Variants in RAPGEF4 observed in about 807,000 individuals in gnomAD.
RAPGEF4 encodes the protein Rap guanine nucleotide exchange factor 4, also known as RAP guanine-nucleotide-exchange factor (GEF) 4.
A neutral mutation model predicts 147.9 loss-of-function variants in RAPGEF4; 66 were observed. The ratio of observed to expected loss-of-function variants is 0.45; its 90% CI spans 0.37 to 0.55. RAPGEF4 has a LOEUF of 0.55. Among genes scored for constraint, RAPGEF4 ranks in the 20% least tolerant of loss-of-function variants. The pLI is 0.00. For synonymous variants in RAPGEF4, 419 were observed against 442.7 expected, an observed-to-expected ratio of 0.95 and a Z score of 0.67; for missense variants, 1,071 against 1,257.3, an observed-to-expected ratio of 0.85 and a Z score of 2.24.
intron 1 of RAPGEF4, among the ~76,000 whole-genome samples, chr2:172,737,965 A>G (rs564084053): frequency 4.6e-5 from 7 of 152,364 alleles, no homozygotes; most frequent in African/African-American, 1.7e-4. Context: ...TGTGGTATTA[A>G]AAGAACTTTG....
chr2:172,781,634 C>T (rs375784980), intron 1 of RAPGEF4, among the ~76,000 whole-genome samples: 1 of 152,096 alleles, frequency 6.6e-6, no homozygotes, highest in Non-Finnish European at 1.5e-5. Flanking sequence ...TCCTGGGGTA[C>T]CCATGGGAGG....
intron 16 of RAPGEF4, among the ~76,000 whole-genome samples, chr2:173,000,493 CT>C (rs1693787363): frequency 6.6e-6 from 1 of 152,184 alleles, no homozygotes; most frequent in Non-Finnish European, 1.5e-5. Context: ...CCTTCATGAG[CT>C]TTCCCATCTG....
chr2:173,009,157 A>C (rs1167113890), intron 17 of RAPGEF4, among the ~76,000 whole-genome samples: 2 of 152,372 alleles, frequency 1.3e-5, no homozygotes, highest in East Asian at 3.9e-4. Context: ...TTTTACAATT[A>C]AATTCTTTAT....
At position 172,960,823 on chromosome 2, in the gene RAPGEF4, T is replaced by G; in HGVS notation, c.591+10T>G. ...TAACACCATTACCAAGGTAATGGGA[T>G]GTAGGTGGGTTGATGAGCCATTGAG... On this transcript the variant is annotated intron_variant, in intron 7 of 30. Coordinates refer to ENST00000397081, the MANE Select transcript of RAPGEF4 (RefSeq NM_007023.4). 1 of 1,597,378 alleles carries G rather than the reference T, an allele frequency of 6.3e-7. No individual in the cohort carries two copies. The highest frequency in any genetic ancestry group is 8.5e-7 in the Non-Finnish European group (1 of 1,169,608).
chr2:172,801,227 C>A (rs1300967126), intron 3 of RAPGEF4, among the ~76,000 whole-genome samples: 8 of 152,080 alleles, frequency 5.3e-5, no homozygotes, highest in Admixed American at 4.6e-4. Context: ...GCTGGGCGCA[C>A]TCATGAACAG....
At chr2:172,797,418 A>T in intron 2 of RAPGEF4, 107 bp from the exon 3 acceptor site, 1 of 781,502 alleles carries the variant, frequency 1.3e-6, no homozygotes, top group Non-Finnish European at 2.1e-6. Context: ...GAAGGGTGGT[A>T]AGCTCAGTTA....
intron 11 of RAPGEF4, among the ~76,000 whole-genome samples, chr2:172,984,257 TTCA>T (rs1691997738): frequency 6.6e-6 from 1 of 152,150 alleles, no homozygotes; most frequent in Non-Finnish European, 1.5e-5. Flanking sequence ...ATGAAGTGGT[TTCA>T]ACTTTCACAG....
chr2:172,765,249 A>C (rs571051997), intron 1 of RAPGEF4, among the ~76,000 whole-genome samples: 2 of 152,326 alleles, frequency 1.3e-5, no homozygotes, highest in Non-Finnish European at 1.5e-5. Context: ...CCCTAGTTCT[A>C]TATGACCTCT....
intron 4 of RAPGEF4, among the ~76,000 whole-genome samples, chr2:172,851,503 A>G (rs2149738199): frequency 6.6e-6 from 1 of 152,334 alleles, no homozygotes; most frequent in Non-Finnish European, 1.5e-5. Context: ...ATGTATGTTC[A>G]TCGCAGCACT....
chr2:173,051,595 A>G (rs1686248165), intron 30 of RAPGEF4, 45 bp from the exon 31 acceptor site: 1 of 1,582,764 alleles, frequency 6.3e-7, no homozygotes, highest in Non-Finnish European at 8.6e-7. Context: ...TATCTTATAT[A>G]CATATATTAC....
chr2:172,845,566 C>T (rs1027029896), intron 4 of RAPGEF4, among the ~76,000 whole-genome samples: 1 of 152,120 alleles, frequency 6.6e-6, no homozygotes, highest in African/African-American at 2.4e-5. Flanking sequence ...GTAGCTGGGA[C>T]AGCAGCTGGC....
At chr2:172,771,482 A>G (rs1397726832) in intron 1 of RAPGEF4, among the ~76,000 whole-genome samples, 1 of 152,182 alleles carries the variant, frequency 6.6e-6, no homozygotes, top group African/African-American at 2.4e-5. Context: ...GATTGAAAAA[A>G]TATATAGCAT....
chr2:172,770,861 A>T (rs1262957582), intron 1 of RAPGEF4, among the ~76,000 whole-genome samples: 1 of 152,156 alleles, frequency 6.6e-6, no homozygotes, highest in Non-Finnish European at 1.5e-5. Context: ...CCTGAGCTTC[A>T]AAAGGTGGCT....
Position 172,961,162 on chromosome 2 carries a change from G to T in RAPGEF4, c.632G>T (p.Arg211Leu). The T allele has an allele frequency of 6.2e-7, 1 of 1,613,200 alleles. No homozygotes were observed. Among genetic ancestry groups the T allele is most frequent in the Non-Finnish European group, 8.5e-7 (1 of 1,179,240 alleles). ...EKILRAGKIL[R>L]NAILSRAPHM... The stretch of plus-strand genomic sequence containing the variant: ...ATCCTCAGAGCTGGAAAAATTTTAC[G>T]AAATGCCATTCTCTCTCGAGCACCT... The change falls in exon 8 of 31, where the codon CGA becomes CTA. Residue 211 changes from arginine to leucine, a missense_variant. Transcript: ENST00000397081.
intron 3 of RAPGEF4, among the ~76,000 whole-genome samples, chr2:172,807,952 A>G (rs1687662023): frequency 1.3e-5 from 2 of 152,256 alleles, no homozygotes; most frequent in African/African-American, 4.8e-5. Context: ...TTGAAATTAC[A>G]GTACAATTTT....
intron 1 of RAPGEF4, among the ~76,000 whole-genome samples, chr2:172,759,280 G>T (rs1696075550): frequency 6.6e-6 from 1 of 152,176 alleles, no homozygotes; most frequent in African/African-American, 2.4e-5. Flanking sequence ...AAAAATAAAA[G>T]ATTTTGCATA....
intron 6 of RAPGEF4, among the ~76,000 whole-genome samples, chr2:172,956,286 T>C (rs2105425864): frequency 6.6e-6 from 1 of 152,168 alleles, no homozygotes; most frequent in South Asian, 2.1e-4. Flanking sequence ...TCTATTTGGC[T>C]TCTGAAATTT....
chr2:172,837,576 A>G (rs1039870239), intron 4 of RAPGEF4, among the ~76,000 whole-genome samples: 1 of 152,222 alleles, frequency 6.6e-6, no homozygotes, highest in Non-Finnish European at 1.5e-5. Context: ...TGTATGTTAT[A>G]ATAGAAAGGT....
intron 4 of RAPGEF4, among the ~76,000 whole-genome samples, chr2:172,880,016 C>T (rs568912858): frequency 1.6e-4 from 25 of 152,176 alleles, no homozygotes; most frequent in African/African-American, 5.3e-4. Flanking sequence ...GTACACTTTT[C>T]GGGAAGCATA....
Sources: gnomAD v4.1 joint callset for allele counts (sites outside exome capture counted in the v4.1 genomes callset) on GRCh38, gnomAD v4.1.1 for gene constraint, MANE v1.5 for transcripts, NCBI Gene and HGNC (gene_info 2026-07-23, HGNC 2026-07-21) for gene names.